The following PCDHA3 variants were observed in gnomAD, a reference collection of about 807,000 sequenced individuals.
PCDHA3 encodes protocadherin alpha 3, also known as protocadherin alpha-3.
In PCDHA3, 41 loss-of-function variants were observed where a neutral mutation model predicts 62.2. That is an observed-to-expected ratio of 0.66 (90% CI 0.51 to 0.86). The LOEUF (loss-of-function observed/expected upper bound fraction) is 0.86. PCDHA3 is among the 40% of genes least tolerant of loss of function. The probability of loss-of-function intolerance (pLI) is 0.00; values close to 1 mark genes in which losing one functional copy is unlikely to be tolerated. For missense variants in PCDHA3, 1,304 were observed against 1,241.2 expected (o/e 1.05, Z -0.76); for synonymous variants, 640 against 555.4 (o/e 1.15, Z -2.14).
In PCDHA3 at chr5:140,904,903, A is replaced by G. The variant is rs568713418; in HGVS notation, c.2395-74046A>G. On this transcript the variant is annotated intron_variant, in intron 1 of 3. Transcript: ENST00000522353. ...CTTTTTGATGGGATTTGTTTTTCTT[A>G]CTGATTTGTTTGACTTCCTTGTAGG... 9.4e-4 allele frequency among the ~76,000 whole-genome samples: 142 copies of G among 151,862 alleles called. 2 individuals carry two copies. The highest frequency in any genetic ancestry group is 2.9e-3 in the African/African-American group (122 of 41,438).
At chr5:140,812,707 C>T (rs1403479725) in intron 1 of PCDHA3, 1 of 152,214 alleles carries the variant, frequency 6.6e-6, no homozygotes, top group Non-Finnish European at 1.5e-5. Flanking sequence ...GATCCTTGTG[C>T]CTTGGATTCC....
rs1175646225 is a variant in PCDHA3, at chr5:140,801,311, G to A, written c.114G>A (p.Glu38=). ...AGCTCCACTACTCCGTCTCTGAGGA[G>A]GCCAAGCATGGCACCTTCGTGGGCC... The part of the protein sequence containing the change: ...SGQLHYSVSE[E]AKHGTFVGRI... The change falls in exon 1 of 4, where the codon GAG becomes GAA. Residue 38 remains glutamate (E), a synonymous_variant. Coordinates refer to ENST00000522353, the MANE Select transcript of PCDHA3 (RefSeq NM_018906.3). 1.9e-6 allele frequency: 3 copies of A among 1,613,344 alleles called. No individual in the cohort carries two copies. Among genetic ancestry groups the A allele is most frequent in the Non-Finnish European group, 1.7e-6 (2 of 1,179,922 alleles).
At chr5:140,883,892 G>T in intron 1 of PCDHA3, 3 of 1,613,362 alleles carry the variant, frequency 1.9e-6, no homozygotes, top group Non-Finnish European at 1.7e-6. Context: ...CGACTCTGGC[G>T]TGCCGCCTCT....
chr5:140,908,757 C>G (rs550540742), intron 1 of PCDHA3, among the ~76,000 whole-genome samples: 1 of 152,248 alleles, frequency 6.6e-6, no homozygotes, highest in Non-Finnish European at 1.5e-5. Context: ...TGCACACAGC[C>G]TGGACGTGTT....
intron 1 of PCDHA3, chr5:140,966,883 T>A (rs155364): frequency 0.52 from 832,487 of 1,587,228 alleles, 220,297 homozygotes; most frequent in African/African-American, 0.71. Flanking sequence ...TACCTGGCCC[T>A]GCGGCCTCCC....
At chr5:140,806,963 A>G in intron 1 of PCDHA3, 2 of 603,190 alleles carry the variant, frequency 3.3e-6, no homozygotes, top group Non-Finnish European at 5.8e-6. Flanking sequence ...GGTTTCCACA[A>G]TTGCTACTTA....
rs2150186603 is a variant in PCDHA3 at position 140,830,447 on chromosome 5, G to C, written c.2394+26856G>C. 46 of 1,601,744 alleles carry C rather than the reference G, an allele frequency of 2.9e-5. No homozygotes were observed. In the East Asian group the frequency reaches 1.0e-3, roughly 35 times the overall value. On this transcript the variant is annotated intron_variant, in intron 1 of 3. Coordinates refer to ENST00000522353, the MANE Select transcript of PCDHA3 (RefSeq NM_018906.3). ...ACCTTGTCCTATTATGATGGGTAAG[G>C]CGGAGAATCAGGATTTAAATGAAGA...
intron 1 of PCDHA3, chr5:140,968,616 A>G (rs782318101): frequency 6.2e-7 from 1 of 1,614,154 alleles, no homozygotes; most frequent in Admixed American, 1.7e-5. Flanking sequence ...TCTGGGCAAA[A>G]TGCTTGGCTT....
At chr5:140,876,168 C>A in intron 1 of PCDHA3, 5 of 1,613,918 alleles carry the variant, frequency 3.1e-6, no homozygotes, top group Non-Finnish European at 4.2e-6. Context: ...AAATAACCGT[C>A]CTGGATGTGA....
chr5:140,851,338 A>T (rs554817085), intron 1 of PCDHA3: 3 of 978,674 alleles, frequency 3.1e-6, no homozygotes, highest in East Asian at 9.3e-5. Flanking sequence ...AGTTCTCTAC[A>T]TTTCTCTGGA....
chr5:140,926,835 T>C (rs2083586569), intron 1 of PCDHA3: 4 of 1,505,630 alleles, frequency 2.7e-6, no homozygotes, highest in East Asian at 2.3e-5. Context: ...GTCCGGAGCA[T>C]GGTCCTGGGT....
intron 1 of PCDHA3, chr5:140,967,079 A>T: frequency 1.2e-6 from 2 of 1,613,252 alleles, no homozygotes; most frequent in South Asian, 2.2e-5. Flanking sequence ...CAACGAGCGC[A>T]TTGATCGGGA....
intron 1 of PCDHA3, chr5:140,871,553 G>T (rs1390415919): frequency 6.7e-7 from 1 of 1,491,208 alleles, no homozygotes; most frequent in East Asian, 2.5e-5. Context: ...TTAAAATCCA[G>T]TTTTTTTTCA....
At chr5:140,903,787 A>G (rs782220484) in intron 1 of PCDHA3, among the ~76,000 whole-genome samples, 10 of 152,174 alleles carry the variant, frequency 6.6e-5, no homozygotes, top group Non-Finnish European at 1.3e-4. Context: ...TAAACTATCT[A>G]TGGTTGTAAT....
intron 1 of PCDHA3, among the ~76,000 whole-genome samples, chr5:140,819,535 A>G (rs1375120782): frequency 1.3e-5 from 2 of 152,274 alleles, no homozygotes; most frequent in Non-Finnish European, 1.5e-5. Context: ...TCAAGAAAAT[A>G]ATCTGTAACA....
intron 1 of PCDHA3, chr5:140,824,008 G>A (rs2150131408): frequency 3.7e-6 from 6 of 1,614,026 alleles, no homozygotes; most frequent in Non-Finnish European, 5.1e-6. Flanking sequence ...CAGCGCGGTG[G>A]GGAGCTGGTC....
chr5:140,897,949 G>A (rs2066421771), intron 1 of PCDHA3, among the ~76,000 whole-genome samples: 2 of 152,308 alleles, frequency 1.3e-5, no homozygotes, highest in African/African-American at 2.4e-5. Context: ...GTGATGATTA[G>A]CATTTTTTCA....
At chr5:140,856,001 C>T (rs782376274) in intron 1 of PCDHA3, 7 of 1,515,190 alleles carry the variant, frequency 4.6e-6, no homozygotes, top group African/African-American at 1.4e-5. Context: ...ATCGTATGTG[C>T]GTTCTAGACC....
At chr5:140,956,190 T>A (rs1441772845) in intron 1 of PCDHA3, among the ~76,000 whole-genome samples, 1 of 152,208 alleles carries the variant, frequency 6.6e-6, no homozygotes, top group Non-Finnish European at 1.5e-5. Flanking sequence ...CTATGCTGAA[T>A]AGGAGTGGTG....
Sources: gnomAD v4.1 joint callset for allele counts (sites outside exome capture counted in the v4.1 genomes callset) on GRCh38, gnomAD v4.1.1 for gene constraint, MANE v1.5 for transcripts, NCBI Gene and HGNC (gene_info 2026-07-23, HGNC 2026-07-21) for gene names.